MPP2: variants seen among roughly 807,000 people sequenced by gnomAD.
MPP2 encodes MAGUK p55 scaffold protein 2, also known as MAGUK p55 subfamily member 2.
Under a neutral mutation model 58.5 loss-of-function variants are expected in MPP2, and 42 were observed. That is an observed-to-expected ratio of 0.72 (90% confidence interval 0.56 to 0.93). The LOEUF (loss-of-function observed/expected upper bound fraction) is 0.93. MPP2 is among the 40% of genes least tolerant of loss of function. The pLI is 0.00. For synonymous variants in MPP2, 300 were observed against 307.8 expected (o/e 0.97, Z 0.26); for missense variants, 632 against 760.4 (o/e 0.83, Z 1.99).
At chr17:43,882,206 G>A (rs1425782342) in intron 6 of MPP2, 78 bp downstream of exon 6, 2 of 1,327,694 alleles carry the variant, frequency 1.5e-6, no homozygotes, top group Non-Finnish European at 2.1e-6. Flanking sequence ...AGGAGAGGAG[G>A]GCCTCCGTGA....
At chr17:43,906,745 G>A (rs906295032) in intron 1 of MPP2, among the ~76,000 whole-genome samples, 1 of 152,106 alleles carries the variant, frequency 6.6e-6, no homozygotes, top group Non-Finnish European at 1.5e-5. Context: ...CCTGGGGGAG[G>A]GGGGCGTGTT....
intron 3 of MPP2, among the ~76,000 whole-genome samples, chr17:43,886,431 G>A (rs1035172649): frequency 6.6e-6 from 1 of 152,022 alleles, no homozygotes; most frequent in Non-Finnish European, 1.5e-5. Flanking sequence ...TTTAATTACT[G>A]CATTTGACTC....
rs2048215324 is a variant in MPP2, at chr17:43,904,495, T to C, written c.-33-2A>G. The stretch of plus-strand genomic sequence containing the variant: ...GGCAAGGGCTCTGAAACGTCTCTCC[T>C]GGAGAGGGGAGAGAGGAGGATGAGC... On this transcript the variant is annotated splice_acceptor_variant, in intron 1 of 12. Coordinates refer to ENST00000269095, the MANE Select transcript of MPP2 (RefSeq NM_005374.5). LOFTEE classifies it low-confidence loss of function (5UTR_SPLICE). The C allele has an allele frequency of 1.9e-6, 3 of 1,612,962 alleles. No individual in the cohort carries two copies. The highest frequency in any genetic ancestry group is 2.5e-6 in the Non-Finnish European group (3 of 1,179,398).
chr17:43,877,980 C>T lies in MPP2; in HGVS notation c.1486G>A (p.Ala496Thr). 1 of 1,612,020 alleles carries T rather than the reference C, an allele frequency of 6.2e-7. No individual in the cohort carries two copies. Among genetic ancestry groups the T allele is most frequent in the Non-Finnish European group, 8.5e-7 (1 of 1,179,004 alleles). The change falls in exon 13 of 13, where the codon GCG becomes ACG. Residue 496 changes from alanine to threonine, a missense_variant. By Grantham distance (58) the Ala-to-Thr change is moderately conservative. Transcript: ENST00000269095. ...SGISTKQLTE[A>T]DLRRTVEESS... is the part of the protein sequence containing the mutation. ...TCCTCCACTGTCCGTCTCAGGTCCGCCTCCTGCCCAGGCACAAGGGGACCT... is the reference window on the plus strand; with the variant it reads ...TCCTCCACTGTCCGTCTCAGGTCCGTCTCCTGCCCAGGCACAAGGGGACCT...
upstream of MPP2, chr17:43,909,691 T>G: frequency 9.0e-7 from 1 of 1,115,706 alleles, no homozygotes; most frequent in Non-Finnish European, 1.2e-6. Flanking sequence ...CAAGTATCTC[T>G]CTAATAAAGG....
chr17:43,895,628 T>A lies in MPP2; in HGVS notation c.150+2634A>T, dbSNP rs532084373. 2.0e-5 allele frequency among the ~76,000 whole-genome samples: 3 copies of A among 152,340 alleles called. No homozygotes were observed. In the East Asian group the frequency reaches 5.8e-4, roughly 29 times the overall value. The stretch of plus-strand genomic sequence containing the variant: ...AAAAAGACAAACATTCCTGCCTTCA[T>A]GGAAGTCTCTATGTTTGAAATGTGT... On this transcript the variant is annotated intron_variant, in intron 3 of 12. Coordinates refer to ENST00000269095, the MANE Select transcript of MPP2 (RefSeq NM_005374.5).
rs748520903 is a variant in MPP2 at position 43,898,282 on chromosome 17, T to C, written c.130A>G (p.Ile44Val). ...TGTACCTTGGCCAGGGATCTTACTA[T>C]GGGACTTTCCATAATGCCTCGAAGG... ...IFLRGIMESP[I>V]VRSLAKAHER... Residue 44 changes from isoleucine to valine, a missense_variant, in exon 3 of 13, where the codon ATA becomes GTA. By Grantham distance (29) the Ile-to-Val change is conservative. Coordinates refer to ENST00000269095, the MANE Select transcript of MPP2 (RefSeq NM_005374.5). 7 of 1,614,118 alleles carry C rather than the reference T, an allele frequency of 4.3e-6. No individual in the cohort carries two copies. Among genetic ancestry groups the C allele is most frequent in the East Asian group, 4.5e-5 (2 of 44,874 alleles).
upstream of MPP2, chr17:43,907,563 A>C (rs1185876552): frequency 1.0e-6 from 1 of 985,390 alleles, no homozygotes; most frequent in Admixed American, 6.1e-5. Context: ...CCCGGCTCTT[A>C]AAGCGGCAAG....
rs570047058 is a variant in MPP2, at chr17:43,901,515, G to C, written c.31+2915C>G. The C allele has an allele frequency of 6.1e-6, 6 of 985,466 alleles. No homozygotes were observed. The East Asian group carries it at 5.7e-4, about 93-fold the overall frequency. 61.0% of individuals were successfully genotyped at this position (985,466 alleles called of 1,614,324 possible). On this transcript the variant is annotated intron_variant, in intron 2 of 12. Transcript: ENST00000269095. ...CTTGTGCCCAAGAGGCCACCATCAG[G>C]GTACTGCAGCCTCCACTCAGACATT...
At position 43,875,726 on chromosome 17, in the gene MPP2, G is replaced by A. The variant is rs981547258; in HGVS notation, c.*2081C>T. The A allele has an allele frequency of 6.6e-6, 1 of 152,348 alleles. No individual in the cohort carries two copies. Among genetic ancestry groups the A allele is most frequent in the Non-Finnish European group, 1.5e-5 (1 of 68,156 alleles). 9.4% of individuals were successfully genotyped at this position (152,348 alleles called of 1,614,324 possible). On this transcript the variant is annotated 3_prime_UTR_variant, in exon 13 of 13. Transcript: ENST00000269095. Reference sequence around the variant, plus strand: ...GAGGAAAGACCGAGAAGAGACAGGAGGGAAGGGCCCCAGGCCTGCCCCTTG... The same window carrying A: ...GAGGAAAGACCGAGAAGAGACAGGAAGGAAGGGCCCCAGGCCTGCCCCTTG...
At chr17:43,882,029 T>C (rs1003111322) in intron 6 of MPP2, among the ~76,000 whole-genome samples, 20 of 152,220 alleles carry the variant, frequency 1.3e-4, no homozygotes, top group African/African-American at 4.6e-4. Flanking sequence ...CTGACCATAA[T>C]GCAGGCGCTC....
chr17:43,883,429 T>C, intron 3 of MPP2, 74 bp from the exon 4 acceptor site: 1 of 1,513,390 alleles, frequency 6.6e-7, no homozygotes, highest in Non-Finnish European at 8.8e-7. Context: ...GGGTCCTCCC[T>C]CAGCCCCCAG....
chr17:43,889,026 A>C (rs2047487503), intron 3 of MPP2, among the ~76,000 whole-genome samples: 1 of 152,022 alleles, frequency 6.6e-6, no homozygotes, highest in Admixed American at 6.5e-5. Flanking sequence ...TCCTGGGCTC[A>C]AAAATTCTTG....
intron 3 of MPP2, among the ~76,000 whole-genome samples, chr17:43,895,141 T>G (rs2047793702): frequency 6.6e-6 from 1 of 151,884 alleles, no homozygotes; most frequent in Non-Finnish European, 1.5e-5. Context: ...TGAGACAGTG[T>G]CTCACTCGGT....
At chr17:43,894,418 A>AATATATATATATATATATATATAT (rs1382579250) in intron 3 of MPP2, among the ~76,000 whole-genome samples, 30 of 77,208 alleles carry the variant, frequency 3.9e-4, no homozygotes, top group Non-Finnish European at 6.2e-4. Flanking sequence ...TCCATCTCAA[A>AATATATATATATATATATATATAT]ATATATATAT....
rs1035543198 is a variant in MPP2, at chr17:43,875,835, G to C, written c.*1972C>G. On this transcript the variant is annotated 3_prime_UTR_variant, in exon 13 of 13. Transcript: ENST00000269095. ...GATGATGGTCATTTGGATCAAGGGG[G>C]CAGAAGCAGCTGCAACAACAGATCT... is the stretch of plus-strand genomic sequence containing the variant. The C allele has an allele frequency of 6.6e-6, 1 of 152,228 alleles. No individual in the cohort carries two copies. 9.4% of individuals were successfully genotyped at this position (152,228 alleles called of 1,614,324 possible). A position where few individuals can be genotyped will look rare whatever the true frequency, so the allele number is the denominator to read the frequency against.
intron 3 of MPP2, 45 bp from the exon 4 acceptor site, chr17:43,883,400 A>G (rs1458666602): frequency 2.3e-5 from 36 of 1,583,602 alleles, no homozygotes; most frequent in Non-Finnish European, 3.1e-5. Context: ...CTTCCCCAGG[A>G]GCCCTGGGAC....
At chr17:43,881,640 C>A (rs369924331) in intron 6 of MPP2, 51 bp from the exon 7 acceptor site, 28 of 1,593,946 alleles carry the variant, frequency 1.8e-5, no homozygotes, top group Non-Finnish European at 2.3e-5. Flanking sequence ...CAGAAGGCTG[C>A]AGGTGGAGGT....
At chr17:43,889,456 G>A (rs942663243) in intron 3 of MPP2, among the ~76,000 whole-genome samples, 6 of 149,120 alleles carry the variant, frequency 4.0e-5, no homozygotes, top group South Asian at 2.1e-4. Context: ...TACACCTCCC[G>A]GGTTCAAGTG....
Sources: allele counts gnomAD v4.1 joint callset (sites outside exome capture counted in the v4.1 genomes callset), GRCh38; gene constraint gnomAD v4.1.1; transcripts MANE v1.5; gene names NCBI Gene and HGNC (gene_info 2026-07-23, HGNC 2026-07-21).